Variants in ZPBP observed in about 807,000 individuals in gnomAD.
The protein encoded by ZPBP is zona pellucida-binding protein 1.
ZPBP carries 26 observed loss-of-function variants against 44.8 expected under a neutral mutation model. That is an observed-to-expected ratio of 0.58 (90% CI 0.43 to 0.81). The LOEUF (loss-of-function observed/expected upper bound fraction) is 0.81, where lower values mean the gene tolerates loss of function less well. Among genes scored for constraint, ZPBP ranks in the 30% least tolerant of loss-of-function variants. The pLI is 0.00. For synonymous variants in ZPBP, 174 were observed against 153.2 expected, an observed-to-expected ratio of 1.14 and a Z score of -1.00; for missense variants, 409 against 434.0, an observed-to-expected ratio of 0.94 and a Z score of 0.51.
At chr7:49,849,296 T>C (rs1182004419), downstream of ZPBP, among the ~76,000 whole-genome samples, 2 of 152,328 alleles carry the variant, frequency 1.3e-5, no homozygotes, top group Middle Eastern at 3.4e-3. Flanking sequence ...GCTAGTTTTA[T>C]TAAATCTGCT....
intron 2 of ZPBP, among the ~76,000 whole-genome samples, chr7:49,875,091 G>T (rs2128724673): frequency 6.6e-6 from 1 of 152,066 alleles, no homozygotes; most frequent in East Asian, 1.9e-4. Context: ...GTAAAAATTG[G>T]CCGGGCACGG....
chr7:49,929,339 A>G (rs1241403142), intron 1 of ZPBP, among the ~76,000 whole-genome samples: 3 of 152,210 alleles, frequency 2.0e-5, no homozygotes, highest in Non-Finnish European at 1.5e-5. Context: ...AGGATGATAC[A>G]ACACAACACA....
At chr7:49,986,094 A>G (rs1477142840) in intron 6 of ZPBP, among the ~76,000 whole-genome samples, 2 of 152,190 alleles carry the variant, frequency 1.3e-5, no homozygotes, top group African/African-American at 4.8e-5. Flanking sequence ...ACTAAGGAGC[A>G]AAATATCTTG....
At chr7:49,926,858 A>C (rs1794254412) in intron 1 of ZPBP, among the ~76,000 whole-genome samples, 1 of 152,238 alleles carries the variant, frequency 6.6e-6, no homozygotes, top group South Asian at 2.1e-4. Context: ...TTTGAGAAGC[A>C]ACTGGCTGCA....
intron 7 of ZPBP, among the ~76,000 whole-genome samples, chr7:49,977,185 T>C (rs1163724028): frequency 1.3e-5 from 2 of 151,930 alleles, no homozygotes; most frequent in African/African-American, 4.8e-5. Flanking sequence ...TGCTAATCCA[T>C]AGAATGACCT....
At chr7:50,042,733 A>G (rs892869506) in intron 4 of ZPBP, among the ~76,000 whole-genome samples, 1 of 152,236 alleles carries the variant, frequency 6.6e-6, no homozygotes, top group Non-Finnish European at 1.5e-5. Context: ...TGTAAAGAAC[A>G]TCAACACTAT....
At chr7:49,894,385 G>A (rs530261023) in intron 2 of ZPBP, among the ~76,000 whole-genome samples, 2 of 152,150 alleles carry the variant, frequency 1.3e-5, no homozygotes, top group South Asian at 2.1e-4. Context: ...CACCTGCCTC[G>A]GCCTCCCAAA....
intron 1 of ZPBP, among the ~76,000 whole-genome samples, chr7:49,924,142 T>C (rs1294317574): frequency 6.7e-6 from 1 of 149,138 alleles, no homozygotes; most frequent in Non-Finnish European, 1.5e-5. Flanking sequence ...TAATAAATAA[T>C]AATAATAATA....
At chr7:49,940,117 C>A (rs759614055) in intron 7 of ZPBP, among the ~76,000 whole-genome samples, 5 of 152,134 alleles carry the variant, frequency 3.3e-5, no homozygotes, top group Non-Finnish European at 7.4e-5. Context: ...TGGGTAGGAA[C>A]TTTATGAAAG....
rs1349121721 is a variant in ZPBP at position 49,877,480 on chromosome 7, AAATATATATATAT to A, written n.509+23625_509+23637del. Among the ~76,000 whole-genome samples the A allele has an allele frequency of 1.9e-3, 44 of 23,506 alleles. 7 individuals carry two copies. The highest frequency in any genetic ancestry group is 0.032 in the Middle Eastern group (2 of 62). 15.4% of individuals were successfully genotyped at this position (23,506 alleles called of 152,430 possible). A position where few individuals can be genotyped will look rare whatever the true frequency, so the allele number is the denominator to read the frequency against. ...TCTGTCTCAAAAAAAAAAAAAAAAA[AAATATATATATAT>A]ATATATATATATATATATATATATA... is the stretch of plus-strand genomic sequence containing the variant. On this transcript the variant is annotated intron_variant and non_coding_transcript_variant, in intron 2 of 2. Coordinates refer to the ZPBP transcript ENST00000465922.
chr7:50,032,844 G>C (rs1229164032), intron 4 of ZPBP, among the ~76,000 whole-genome samples: 1 of 152,112 alleles, frequency 6.6e-6, no homozygotes. Flanking sequence ...AAATCCTAAA[G>C]TATCTTCAAG....
intron 4 of ZPBP, among the ~76,000 whole-genome samples, chr7:50,055,238 A>G (rs1307496237): frequency 1.3e-5 from 2 of 152,198 alleles, no homozygotes; most frequent in African/African-American, 4.8e-5. Flanking sequence ...ATACAGTACC[A>G]TCTGAGGAAG....
intron 5 of ZPBP, among the ~76,000 whole-genome samples, chr7:50,026,719 C>A (rs1447413697): frequency 1.3e-5 from 2 of 151,654 alleles, no homozygotes; most frequent in African/African-American, 4.8e-5. Flanking sequence ...CTACAAAAAA[C>A]AAACAAACAA....
chr7:49,847,917 A>G (rs905847065), downstream of ZPBP, among the ~76,000 whole-genome samples: 1 of 152,166 alleles, frequency 6.6e-6, no homozygotes, highest in East Asian at 1.9e-4. Flanking sequence ...GTGGTTTACT[A>G]TCTCCTGGAA....
intron 3 of ZPBP, among the ~76,000 whole-genome samples, chr7:50,074,298 A>G (rs1801981584): frequency 1.3e-5 from 2 of 152,044 alleles, no homozygotes; most frequent in South Asian, 2.1e-4. Context: ...ACAAAAAATA[A>G]AAAGCAAGAA....
At chr7:49,858,708 TAAAAA>T (rs150250284) in intron 2 of ZPBP, among the ~76,000 whole-genome samples, 1 of 151,636 alleles carries the variant, frequency 6.6e-6, no homozygotes, top group African/African-American at 2.4e-5. Context: ...ATAATAATAA[TAAAAA>T]AAAGAAAGCT....
At chr7:50,064,333 C>G (rs748317261) in intron 3 of ZPBP, among the ~76,000 whole-genome samples, 2 of 152,076 alleles carry the variant, frequency 1.3e-5, no homozygotes, top group Non-Finnish European at 2.9e-5. Context: ...ACCACAGGAC[C>G]GAGGTGAAAT....
intron 7 of ZPBP, among the ~76,000 whole-genome samples, chr7:49,973,993 C>T (rs1360618736): frequency 1.3e-5 from 2 of 151,984 alleles, no homozygotes; most frequent in Admixed American, 1.3e-4. Context: ...TACAGGCTAC[C>T]ACATGAATGA....
downstream of ZPBP, among the ~76,000 whole-genome samples, chr7:49,849,035 CT>C (rs1790070564): frequency 6.6e-6 from 1 of 152,142 alleles, no homozygotes; most frequent in African/African-American, 2.4e-5. Flanking sequence ...TCTTTAGGTC[CT>C]GCTTGCTTCA....
Sources: gnomAD v4.1 joint callset for allele counts (sites outside exome capture counted in the v4.1 genomes callset) on GRCh38, gnomAD v4.1.1 for gene constraint, MANE v1.5 for transcripts, NCBI Gene and HGNC (gene_info 2026-07-23, HGNC 2026-07-21) for gene names.